The following OPCML variants were observed in gnomAD, a reference collection of about 807,000 sequenced individuals.
OPCML encodes the protein opioid binding protein/cell adhesion molecule like.
OPCML carries 13 observed loss-of-function variants against 37.8 expected under a neutral mutation model. The ratio of observed to expected loss-of-function variants is 0.34; its 90% confidence interval spans 0.22 to 0.55. The LOEUF (loss-of-function observed/expected upper bound fraction) is 0.55, where lower values mean the gene tolerates loss of function less well. OPCML is among the 20% of genes least tolerant of loss of function. The pLI is 0.91. For missense variants in OPCML, 341 were observed against 435.6 expected (o/e 0.78, Z 1.93); for synonymous variants, 176 against 168.8 (o/e 1.04, Z -0.33).
At chr11:133,240,245 A>C (rs1370410776) in intron 1 of OPCML, among the ~76,000 whole-genome samples, 2 of 148,680 alleles carry the variant, frequency 1.3e-5, no homozygotes, top group African/African-American at 2.5e-5. Flanking sequence ...ACAGAGGGGC[A>C]AAAAAACAGA....
At position 132,530,285 on chromosome 11, in the gene OPCML, C is replaced by T. The variant is rs117515763; in HGVS notation, c.380-1099G>A. ...ATGACACTTGGTCTTACTCTCTCACCTCCAGGCCTTGATGCTCTTCAACTT... is the reference window on the plus strand; with the variant it reads ...ATGACACTTGGTCTTACTCTCTCACTTCCAGGCCTTGATGCTCTTCAACTT... On this transcript the variant is annotated intron_variant, in intron 3 of 7. Coordinates refer to ENST00000524381, the MANE Select transcript of OPCML (RefSeq NM_001012393.5). Among the ~76,000 whole-genome samples the T allele has an allele frequency of 2.1e-4, 31 of 150,192 alleles. No homozygotes were observed. In the East Asian group the frequency reaches 5.4e-3, roughly 26 times the overall value.
intron 1 of OPCML, among the ~76,000 whole-genome samples, chr11:133,033,981 A>G (rs1191349320): frequency 6.6e-6 from 1 of 152,212 alleles, no homozygotes; most frequent in Admixed American, 6.5e-5. Flanking sequence ...AAAAACAGTA[A>G]TCTTAACTGA....
chr11:133,450,180 C>T (rs6590702), intron 1 of OPCML, among the ~76,000 whole-genome samples: 52,832 of 151,448 alleles, frequency 0.35, 14,145 homozygotes, highest in African/African-American at 0.74. Context: ...AACTTTGCCG[C>T]TTCCTTACTC....
chr11:132,809,192 G>T (rs1225734522), intron 2 of OPCML, among the ~76,000 whole-genome samples: 2 of 152,124 alleles, frequency 1.3e-5, no homozygotes, highest in Non-Finnish European at 2.9e-5. Context: ...TAAACCATTC[G>T]CTGACGCTAA....
chr11:133,368,248 G>C (rs554341063), intron 1 of OPCML, among the ~76,000 whole-genome samples: 2 of 7,984 alleles, frequency 2.5e-4, no homozygotes, highest in Non-Finnish European at 3.7e-4. Context: ...AGGTGAGGTG[G>C]GGGGGGGAAG....
chr11:132,688,232 C>G (rs1006318193), intron 2 of OPCML, among the ~76,000 whole-genome samples: 2 of 152,000 alleles, frequency 1.3e-5, no homozygotes, highest in African/African-American at 4.8e-5. Flanking sequence ...CCCACATTCC[C>G]CTGTGTAGTC....
chr11:133,261,818 G>A lies in OPCML; in HGVS notation c.61+270446C>T, dbSNP rs181113110. Reference sequence around the variant, plus strand: ...CTTCTGTGAGCGGCACCCTCAGAGTGTGCTTCTGGCTGAGCGGTGGCTCTA... The same window carrying A: ...CTTCTGTGAGCGGCACCCTCAGAGTATGCTTCTGGCTGAGCGGTGGCTCTA... On this transcript the variant is annotated intron_variant, in intron 1 of 7. Transcript: ENST00000524381. Among the ~76,000 whole-genome samples the A allele has an allele frequency of 2.3e-4, 35 of 152,328 alleles. 1 individual carries two copies. The East Asian group carries it at 3.3e-3, about 14-fold the overall frequency.
At chr11:133,359,369 G>A (rs1018913511) in intron 1 of OPCML, among the ~76,000 whole-genome samples, 3 of 152,146 alleles carry the variant, frequency 2.0e-5, no homozygotes, top group Non-Finnish European at 2.9e-5. Context: ...TCATGAGGAT[G>A]CCATATCCTA....
chr11:132,415,449 T>G lies in OPCML; in HGVS notation c.*4744A>C, dbSNP rs1356828591. Reference sequence around the variant, plus strand: ...TTCCGAACGATTAAAAATGCTCCCTTTAACTAACACAAGGGCAGCTTGCAG... The same window carrying G: ...TTCCGAACGATTAAAAATGCTCCCTGTAACTAACACAAGGGCAGCTTGCAG... On this transcript the variant is annotated 3_prime_UTR_variant, in exon 8 of 8. Coordinates refer to ENST00000524381, the MANE Select transcript of OPCML (RefSeq NM_001012393.5). 6.6e-6 allele frequency: 1 copy of G among 152,200 alleles called. No individual in the cohort carries two copies. Among genetic ancestry groups the G allele is most frequent in the Non-Finnish European group, 1.5e-5 (1 of 68,044 alleles). The allele number at this position is 152,200 out of a possible 1,614,324, so 9.4% of individuals were successfully genotyped here. A position where few individuals can be genotyped will look rare whatever the true frequency, so the allele number is the denominator to read the frequency against.
chr11:133,282,065 G>C (rs978189466), intron 1 of OPCML, among the ~76,000 whole-genome samples: 1 of 152,124 alleles, frequency 6.6e-6, no homozygotes, highest in African/African-American at 2.4e-5. Flanking sequence ...TAAAAGGGAA[G>C]CAGAGAGTAA....
intron 1 of OPCML, among the ~76,000 whole-genome samples, chr11:133,311,800 A>G (rs1039317716): frequency 2.6e-5 from 4 of 152,188 alleles, no homozygotes; most frequent in Admixed American, 2.0e-4. Flanking sequence ...AGAAATTATT[A>G]AAGTAGACAT....
chr11:133,388,567 C>A (rs975358154), intron 1 of OPCML, among the ~76,000 whole-genome samples: 1 of 152,134 alleles, frequency 6.6e-6, no homozygotes, highest in Non-Finnish European at 1.5e-5. Flanking sequence ...TTAATCTCAA[C>A]GTCAAAAAGG....
At chr11:133,213,770 A>G (rs1189900994) in intron 1 of OPCML, among the ~76,000 whole-genome samples, 1 of 152,198 alleles carries the variant, frequency 6.6e-6, no homozygotes, top group Admixed American at 6.5e-5. Context: ...GACATGTTTA[A>G]TGTTTAAATG....
intron 2 of OPCML, among the ~76,000 whole-genome samples, chr11:132,667,354 G>T (rs978164497): frequency 6.6e-6 from 1 of 152,192 alleles, no homozygotes; most frequent in African/African-American, 2.4e-5. Context: ...ACCATGGTCT[G>T]CATTTCCAAC....
chr11:132,730,116 G>T (rs1280398855), intron 2 of OPCML, among the ~76,000 whole-genome samples: 4 of 146,992 alleles, frequency 2.7e-5, no homozygotes, highest in African/African-American at 1.0e-4. Flanking sequence ...TGGGTTCAAG[G>T]AATTATCTGC....
At chr11:133,479,084 T>A (rs1947315314) in intron 1 of OPCML, among the ~76,000 whole-genome samples, 1 of 152,218 alleles carries the variant, frequency 6.6e-6, no homozygotes, top group African/African-American at 2.4e-5. Flanking sequence ...ATGACTTATG[T>A]AGCGTTTAGC....
At chr11:132,458,611 G>A (rs1158605062) in intron 4 of OPCML, among the ~76,000 whole-genome samples, 1 of 152,172 alleles carries the variant, frequency 6.6e-6, no homozygotes, top group South Asian at 2.1e-4. Context: ...CATTTGCCAT[G>A]TTAGAAATTT....
At chr11:132,770,642 C>T (rs2136121891) in intron 2 of OPCML, among the ~76,000 whole-genome samples, 1 of 152,200 alleles carries the variant, frequency 6.6e-6, no homozygotes, top group East Asian at 1.9e-4. Context: ...AAAAATACCT[C>T]CCCCTGGAGC....
chr11:133,095,280 T>TTG (rs1948982325), intron 1 of OPCML, among the ~76,000 whole-genome samples: 1 of 129,464 alleles, frequency 7.7e-6, no homozygotes, highest in Non-Finnish European at 1.7e-5. Flanking sequence ...TGTAAATGTT[T>TTG]TTTTTTTTTT....
Sources: allele counts gnomAD v4.1 joint callset (sites outside exome capture counted in the v4.1 genomes callset), GRCh38; gene constraint gnomAD v4.1.1; transcripts MANE v1.5; gene names NCBI Gene and HGNC (gene_info 2026-07-23, HGNC 2026-07-21).